MAML2: variants seen among roughly 807,000 people sequenced by gnomAD.
MAML2 encodes mastermind-like protein 2.
Under a neutral mutation model 96.1 loss-of-function variants are expected in MAML2, and 22 were observed. The observed-to-expected ratio is 0.23, with a 90% CI of 0.16 to 0.33. MAML2 has a LOEUF of 0.33. Among genes scored for constraint, MAML2 ranks in the 10% least tolerant of loss-of-function variants. MAML2 has a pLI of 1.00. For missense variants in MAML2, 1,367 were observed against 1,392.4 expected (o/e 0.98, Z 0.29); for synonymous variants, 561 against 521.3 (o/e 1.08, Z -1.04).
intron 2 of MAML2, among the ~76,000 whole-genome samples, chr11:96,022,897 T>C (rs529599597): frequency 6.6e-6 from 1 of 152,306 alleles, no homozygotes; most frequent in South Asian, 2.1e-4. Flanking sequence ...ACTAGGCCAG[T>C]AGACATGACG....
In MAML2 at chr11:96,199,606, C is replaced by T. The variant is rs942240563; in HGVS notation, c.514-106089G>A. On this transcript the variant is annotated intron_variant, in intron 1 of 4. Coordinates refer to ENST00000524717, the MANE Select transcript of MAML2 (RefSeq NM_032427.4). ...GTAGAATGTGTCCTGGGAATGTGTG[C>T]GGGCTATGGCGGTTCTATTGTTTGG... is the stretch of plus-strand genomic sequence containing the variant. Among the ~76,000 whole-genome samples the T allele has an allele frequency of 3.3e-5, 5 of 150,680 alleles. No individual in the cohort carries two copies. The South Asian group carries it at 8.3e-4, about 25-fold the overall frequency.
intron 1 of MAML2, among the ~76,000 whole-genome samples, chr11:96,140,539 ACT>A: frequency 1.3e-5 from 2 of 152,236 alleles, no homozygotes; most frequent in Middle Eastern, 6.8e-3. Flanking sequence ...ATAAGAAGCT[ACT>A]CTCTAAATTT....
chr11:96,099,814 T>C (rs1026481446), intron 1 of MAML2, among the ~76,000 whole-genome samples: 1 of 152,162 alleles, frequency 6.6e-6, no homozygotes, highest in Non-Finnish European at 1.5e-5. Context: ...TTTTTATACA[T>C]TTTTTAGTAG....
chr11:96,001,361 A>G (rs1251009004), intron 2 of MAML2, among the ~76,000 whole-genome samples: 1 of 152,228 alleles, frequency 6.6e-6, no homozygotes, highest in Non-Finnish European at 1.5e-5. Flanking sequence ...TTTTCTTAAA[A>G]GAGAAATTCT....
intron 1 of MAML2, among the ~76,000 whole-genome samples, chr11:96,120,497 C>A (rs1860319425): frequency 6.6e-6 from 1 of 152,194 alleles, no homozygotes; most frequent in Non-Finnish European, 1.5e-5. Flanking sequence ...CAGATCGCAC[C>A]ACGGTGACAC....
At chr11:96,310,056 G>A (rs865929178) in intron 1 of MAML2, among the ~76,000 whole-genome samples, 3 of 152,160 alleles carry the variant, frequency 2.0e-5, no homozygotes, top group Middle Eastern at 6.8e-3. Flanking sequence ...GACATATAGG[G>A]AGCATACTTG....
rs538774186 is a variant in MAML2 at position 96,077,803 on chromosome 11, T to C, written c.2139+14089A>G. Among the ~76,000 whole-genome samples, 13 of 152,344 alleles carry C rather than the reference T, an allele frequency of 8.5e-5. No individual in the cohort carries two copies. The South Asian group carries it at 2.7e-3, about 32-fold the overall frequency. On this transcript the variant is annotated intron_variant, in intron 2 of 4. Transcript: ENST00000524717. ...GGGCCCTGCCTTGCCTGGTGCTCTT[T>C]TTATAGGCTATAGAAATACAACTGA...
chr11:96,262,621 C>G (rs946979697), intron 1 of MAML2, among the ~76,000 whole-genome samples: 2 of 152,184 alleles, frequency 1.3e-5, no homozygotes, highest in African/African-American at 4.8e-5. Flanking sequence ...GCACCCGCCA[C>G]CACGCCTGGC....
chr11:96,056,000 A>T (rs76810207), intron 2 of MAML2, among the ~76,000 whole-genome samples: 2,470 of 152,258 alleles, frequency 0.016, 66 homozygotes, highest in African/African-American at 0.057. Context: ...GTTTTATATT[A>T]TTTGTCAGGG....
Position 96,243,279 on chromosome 11 carries a change from G to A in MAML2, c.513+98104C>T, listed in dbSNP as rs117913289. ...TTTTAAAAATGCGAGGATAAGGCCC[G>A]GCCGGCCTCCAGACCAATGAGAAGG... On this transcript the variant is annotated intron_variant, in intron 1 of 4. Coordinates refer to ENST00000524717, the MANE Select transcript of MAML2 (RefSeq NM_032427.4). 3.5e-4 allele frequency among the ~76,000 whole-genome samples: 53 copies of A among 152,288 alleles called. No homozygotes were observed. The East Asian group carries it at 7.7e-3, about 22-fold the overall frequency.
chr11:96,259,029 T>A (rs989117538), intron 1 of MAML2, among the ~76,000 whole-genome samples: 14 of 152,156 alleles, frequency 9.2e-5, no homozygotes, highest in Non-Finnish European at 1.9e-4. Context: ...TTCAGAACTC[T>A]TTCAAAGGGT....
intron 1 of MAML2, among the ~76,000 whole-genome samples, chr11:96,301,621 G>T (rs1759879684): frequency 6.6e-6 from 1 of 152,212 alleles, no homozygotes; most frequent in South Asian, 2.1e-4. Flanking sequence ...CTCTTCACTA[G>T]AGTTTATACA....
At chr11:96,272,891 A>G (rs372830747) in intron 1 of MAML2, among the ~76,000 whole-genome samples, 1 of 152,198 alleles carries the variant, frequency 6.6e-6, no homozygotes, top group Non-Finnish European at 1.5e-5. Context: ...GTTTTACTTA[A>G]GGTTATTCTG....
chr11:96,066,334 C>A (rs757112723), intron 2 of MAML2, among the ~76,000 whole-genome samples: 1 of 152,154 alleles, frequency 6.6e-6, no homozygotes, highest in African/African-American at 2.4e-5. Flanking sequence ...AGGCAGAGCC[C>A]CATCTTTGTC....
chr11:96,106,885 A>G (rs1860030448), intron 1 of MAML2, among the ~76,000 whole-genome samples: 1 of 151,148 alleles, frequency 6.6e-6, no homozygotes, highest in African/African-American at 2.4e-5. Context: ...CACTCGTTAG[A>G]TTGCTAGCTA....
rs1857728435 is a variant in MAML2 at position 95,981,012 on chromosome 11, GT to G, written c.2456-1050del. On this transcript the variant is annotated intron_variant, in intron 4 of 4. Coordinates refer to ENST00000524717, the MANE Select transcript of MAML2 (RefSeq NM_032427.4). ...GGAAGACAGGGTGGAGCCTTGGGAA[GT>G]TCGTGCCATTTGCAGCAGTGAGGAG... 2.0e-5 allele frequency among the ~76,000 whole-genome samples: 3 copies of G among 152,196 alleles called. No homozygotes were observed. The South Asian group carries it at 6.2e-4, about 32-fold the overall frequency.
chr11:96,180,364 A>G (rs752860811), intron 1 of MAML2, among the ~76,000 whole-genome samples: 30 of 152,146 alleles, frequency 2.0e-4, no homozygotes, highest in African/African-American at 7.2e-4. Context: ...ATGCTCTGTG[A>G]CTTCCAAGGC....
At position 95,985,604 on chromosome 11, in the gene MAML2, C is replaced by CA; in HGVS notation, c.2381dup (p.Leu794PhefsTer9). ...CTTTATAATCTGGAGGTGGCCTTGA[C>CA]AAATGTCGGTTTATCTGATCTTGTG... is the stretch of plus-strand genomic sequence containing the variant. On this transcript the variant is annotated frameshift_variant, in exon 4 of 5. Coordinates refer to ENST00000524717, the MANE Select transcript of MAML2 (RefSeq NM_032427.4). LOFTEE classifies it high-confidence loss of function. The CA allele has an allele frequency of 6.2e-7, 1 of 1,612,676 alleles. No homozygotes were observed.
chr11:96,186,415 C>T (rs1027151568), intron 1 of MAML2, among the ~76,000 whole-genome samples: 2 of 152,166 alleles, frequency 1.3e-5, no homozygotes, highest in South Asian at 2.1e-4. Flanking sequence ...CATGGAGAAA[C>T]CTTGTCTCTA....
Sources: allele counts gnomAD v4.1 joint callset (sites outside exome capture counted in the v4.1 genomes callset), GRCh38; gene constraint gnomAD v4.1.1; transcripts MANE v1.5; gene names NCBI Gene and HGNC (gene_info 2026-07-23, HGNC 2026-07-21).